The following EMC2 variants were observed in gnomAD, a reference collection of about 807,000 sequenced individuals.
EMC2 encodes the protein ER membrane protein complex subunit 2.
Under a neutral mutation model 51.6 loss-of-function variants are expected in EMC2, and 37 were observed. That is an observed-to-expected ratio of 0.72 (90% CI 0.55 to 0.94). The LOEUF is 0.94. EMC2 is among the 40% of genes least tolerant of loss of function. The pLI is 0.00. For missense variants in EMC2, 359 were observed against 350.9 expected (o/e 1.02, Z -0.18); for synonymous variants, 131 against 112.4 (o/e 1.17, Z -1.04).
At chr8:108,467,759 T>G (rs190355460) in intron 5 of EMC2, among the ~76,000 whole-genome samples, 2 of 152,298 alleles carry the variant, frequency 1.3e-5, no homozygotes, top group East Asian at 3.9e-4. Flanking sequence ...TCATCTCTGC[T>G]GTTGCAAATC....
At chr8:108,452,200 T>C (rs1819042019) in intron 3 of EMC2, among the ~76,000 whole-genome samples, 1 of 152,176 alleles carries the variant, frequency 6.6e-6, no homozygotes, top group Non-Finnish European at 1.5e-5. Flanking sequence ...TGGATACTTG[T>C]TCAAAGAAAT....
At chr8:108,474,019 C>T (rs139096649) in intron 7 of EMC2, 7 of 152,108 alleles carry the variant, frequency 4.6e-5, no homozygotes, top group East Asian at 1.9e-4. Flanking sequence ...TGGACTAGAC[C>T]ATCTGTTGAG....
rs1811147652 is a variant in EMC2 at position 108,486,675 on chromosome 8, G to GCTCAGT, written c.*78_*83dup. 2 of 1,403,248 alleles carry GCTCAGT rather than the reference G, an allele frequency of 1.4e-6. No homozygotes were observed. Among genetic ancestry groups the GCTCAGT allele is most frequent in the African/African-American group, 2.9e-5 (2 of 68,398 alleles). 86.9% of individuals were successfully genotyped at this position (1,403,248 alleles called of 1,614,324 possible). A position where few individuals can be genotyped will look rare whatever the true frequency, so the allele number is the denominator to read the frequency against. On this transcript the variant is annotated 3_prime_UTR_variant, in exon 11 of 11. Transcript: ENST00000220853. ...TTGGCCTGTAACTTATTTACTAAAT[G>GCTCAGT]CTCAGTGCTATTTATATACTACAGT...
chr8:108,482,974 A>G (rs1417493426), intron 10 of EMC2, among the ~76,000 whole-genome samples: 1 of 152,094 alleles, frequency 6.6e-6, no homozygotes, highest in African/African-American at 2.4e-5. Flanking sequence ...TTTGTGTTCC[A>G]TCATGAGTCC....
chr8:108,449,437 T>A (rs749899231), intron 1 of EMC2, among the ~76,000 whole-genome samples: 2 of 152,204 alleles, frequency 1.3e-5, no homozygotes, highest in African/African-American at 4.8e-5. Context: ...CATAGTTGGC[T>A]AATTTTTGTA....
In EMC2 at chr8:108,475,939, C is replaced by T. The variant is rs1310338142; in HGVS notation, c.567C>T (p.His189=). The change falls in exon 8 of 11, where the codon CAC becomes CAT. Residue 189 remains histidine, a synonymous_variant. Transcript: ENST00000220853. ...EELMMTNPHN[H]LYCQQYAEVK... is the part of the protein sequence containing the mutation. ...TAATGATGACTAATCCACACAACCA[C>T]TTATACTGTCAGCAGTATGCTGAAG... is the stretch of plus-strand genomic sequence containing the variant. The T allele has an allele frequency of 5.0e-6, 8 of 1,595,196 alleles. No homozygotes were observed. The South Asian group carries it at 7.9e-5, about 16-fold the overall frequency.
In EMC2 at chr8:108,489,184, T is replaced by C. The variant is rs1811196267; in HGVS notation, c.*2586T>C. ...TAAATGAGAAAAAATAAACTCCAGATTGTTTAAGACACTGTTTGGTTTCCT... is the reference window on the plus strand; with the variant it reads ...TAAATGAGAAAAAATAAACTCCAGACTGTTTAAGACACTGTTTGGTTTCCT... On this transcript the variant is annotated 3_prime_UTR_variant, in exon 11 of 11. Coordinates refer to ENST00000220853, the MANE Select transcript of EMC2 (RefSeq NM_014673.5). Among the ~76,000 whole-genome samples, 2 of 152,216 alleles carry C rather than the reference T, an allele frequency of 1.3e-5. No individual in the cohort carries two copies. The highest frequency in any genetic ancestry group is 4.8e-5 in the African/African-American group (2 of 41,458).
intron 9 of EMC2, 93 bp downstream of exon 9, chr8:108,476,985 T>C (rs1290986184): frequency 3.3e-6 from 2 of 612,050 alleles, no homozygotes; most frequent in African/African-American, 3.8e-5. Flanking sequence ...TCCTGTTTTT[T>C]GTATTTTATT....
chr8:108,443,705 TCGGGTGGGGG>T lies in EMC2; in HGVS notation c.40+14_40+23del, dbSNP rs1384585067. On this transcript the variant is annotated splice_region_variant and intron_variant, in intron 1 of 10. Transcript: ENST00000220853. ...TACGATGTCACTTGGGAAGGTAACTTCGGGTGGGGGCGGGTGCGGAAAGACTAAAAGCGCT... is the reference window on the plus strand; with the variant it reads ...TACGATGTCACTTGGGAAGGTAACTTCGGGTGCGGAAAGACTAAAAGCGCT... 1 of 1,607,314 alleles carries T rather than the reference TCGGGTGGGGG, an allele frequency of 6.2e-7. No homozygotes were observed. Among genetic ancestry groups the T allele is most frequent in the Admixed American group, 1.7e-5 (1 of 59,304 alleles).
chr8:108,467,540 T>G (rs1170063922), intron 5 of EMC2, among the ~76,000 whole-genome samples: 1 of 152,012 alleles, frequency 6.6e-6, no homozygotes, highest in Non-Finnish European at 1.5e-5. Context: ...TTGTGGCATT[T>G]GTATGCAATA....
chr8:108,482,709 A>G (rs900108300), intron 10 of EMC2, among the ~76,000 whole-genome samples: 1 of 151,936 alleles, frequency 6.6e-6, no homozygotes, highest in Non-Finnish European at 1.5e-5. Flanking sequence ...TCAGCCTCCC[A>G]ACTAGCTGGT....
rs1326981026 is a variant in EMC2, at chr8:108,486,403, A to G, written c.808-109A>G. Reference sequence around the variant, plus strand: ...CAAAGAATATATTTGATTTCCTACTAGTGATAAAATAGTCAATGTTAAGTT... The same window carrying G: ...CAAAGAATATATTTGATTTCCTACTGGTGATAAAATAGTCAATGTTAAGTT... On this transcript the variant is annotated intron_variant, in intron 10 of 10. Coordinates refer to ENST00000220853, the MANE Select transcript of EMC2 (RefSeq NM_014673.5). 4.6e-5 allele frequency: 62 copies of G among 1,333,348 alleles called. No homozygotes were observed. The East Asian group carries it at 1.4e-3, about 30-fold the overall frequency. 82.6% of individuals were successfully genotyped at this position (1,333,348 alleles called of 1,614,324 possible).
intron 5 of EMC2, among the ~76,000 whole-genome samples, chr8:108,456,976 CTT>C (rs1464353179): frequency 6.6e-6 from 1 of 152,042 alleles, no homozygotes; most frequent in Admixed American, 6.6e-5. Context: ...AAGTTTCTCT[CTT>C]ATTTGGCAAG....
chr8:108,461,135 A>G (rs186252124), intron 5 of EMC2, among the ~76,000 whole-genome samples: 14 of 152,320 alleles, frequency 9.2e-5, no homozygotes, highest in Non-Finnish European at 1.5e-5. Flanking sequence ...TAGTATCTCA[A>G]AGGCGGGAAA....
At chr8:108,462,220 C>CGTGTGTGTGTGTGTGTGTGCGT (rs370802068) in intron 5 of EMC2, among the ~76,000 whole-genome samples, 1 of 99,366 alleles carries the variant, frequency 1.0e-5, no homozygotes, top group South Asian at 3.8e-4. Flanking sequence ...GTTTTGTGTG[C>CGTGTGTGTGTGTGTGTGTGCGT]GTGTGTGTGT....
Position 108,447,005 on chromosome 8 carries a change from A to T in EMC2, c.41-2818A>T, listed in dbSNP as rs185784799. Among the ~76,000 whole-genome samples the T allele has an allele frequency of 1.5e-3, 235 of 152,244 alleles. 1 individual carries two copies. The highest frequency in any genetic ancestry group is 5.3e-3 in the African/African-American group (221 of 41,520). The stretch of plus-strand genomic sequence containing the variant: ...CTGTGTGTCAGACTGCCGTTCTTAG[A>T]AGTTATGCTTTAAAAAAAGTTCTCT... On this transcript the variant is annotated intron_variant, in intron 1 of 10. Transcript: ENST00000220853.
chr8:108,449,148 C>A (rs1380813338), intron 1 of EMC2, among the ~76,000 whole-genome samples: 1 of 152,180 alleles, frequency 6.6e-6, no homozygotes. Flanking sequence ...GGGTCTTGCT[C>A]TGTTGCTCAG....
At position 108,450,420 on chromosome 8, in the gene EMC2, G is replaced by A. The variant is rs567177790; in HGVS notation, c.155-8G>A. On this transcript the variant is annotated splice_polypyrimidine_tract_variant and splice_region_variant and intron_variant, in intron 2 of 10. Transcript: ENST00000220853. ...ATTCAGTTTTTTTCCCCCTTTATGT[G>A]TATCTAGTTTGGATCATATATGAAC... The A allele has an allele frequency of 9.6e-6, 15 of 1,565,328 alleles. No individual in the cohort carries two copies. Among genetic ancestry groups the A allele is most frequent in the East Asian group, 4.5e-5 (2 of 44,426 alleles).
At chr8:108,482,729 G>A (rs180829529) in intron 10 of EMC2, among the ~76,000 whole-genome samples, 24 of 152,020 alleles carry the variant, frequency 1.6e-4, no homozygotes, top group Non-Finnish European at 3.2e-4. Context: ...TACTGTAGAC[G>A]CATGTCACCG....
Sources: allele counts gnomAD v4.1 joint callset (sites outside exome capture counted in the v4.1 genomes callset), GRCh38; gene constraint gnomAD v4.1.1; transcripts MANE v1.5; gene names NCBI Gene and HGNC (gene_info 2026-07-23, HGNC 2026-07-21).